Variants in KDM7A observed in about 807,000 individuals in gnomAD.
KDM7A encodes lysine demethylase 7A, also known as lysine-specific demethylase 7A.
KDM7A carries 28 observed loss-of-function variants against 114.8 expected under a neutral mutation model. That is an observed-to-expected ratio of 0.24 (90% CI 0.18 to 0.33). The LOEUF is 0.33. Ranked by LOEUF, KDM7A falls within the 10% of genes least tolerant of loss-of-function variation. The probability of loss-of-function intolerance (pLI) is 1.00; values close to 1 mark genes in which losing one functional copy is unlikely to be tolerated. For missense variants in KDM7A, 942 were observed against 1,142.5 expected (o/e 0.82, Z 2.53); for synonymous variants, 423 against 397.8 (o/e 1.06, Z -0.75).
chr7:140,176,972 C>CG lies in KDM7A; in HGVS notation c.-36dup, dbSNP rs1187659090. 4.6e-6 allele frequency: 5 copies of CG among 1,096,250 alleles called. No individual in the cohort carries two copies. Among genetic ancestry groups the CG allele is most frequent in the Non-Finnish European group, 1.1e-6 (1 of 900,968 alleles). 67.9% of individuals were successfully genotyped at this position (1,096,250 alleles called of 1,614,324 possible). A position where few individuals can be genotyped will look rare whatever the true frequency, so the allele number is the denominator to read the frequency against. On this transcript the variant is annotated 5_prime_UTR_variant, in exon 1 of 20. Coordinates refer to ENST00000397560, the MANE Select transcript of KDM7A (RefSeq NM_030647.2). This position sits in a 1 kb window ranked among gnomAD's most constrained non-coding sequence, Gnocchi z 4.4. ...ACACACACACGCTCGCTCGCTACTC[C>CG]GCTCGCCGACTGGAGCGAGCGCAGC... is the stretch of plus-strand genomic sequence containing the variant.
intron 3 of KDM7A, among the ~76,000 whole-genome samples, chr7:140,130,112 T>G (rs919009888): frequency 3.9e-5 from 6 of 152,212 alleles, no homozygotes; most frequent in Non-Finnish European, 7.3e-5. Context: ...TGAAATCATT[T>G]CTGAAACACT....
intron 11 of KDM7A, among the ~76,000 whole-genome samples, chr7:140,105,732 A>G (rs1180217543): frequency 6.6e-6 from 1 of 152,156 alleles, no homozygotes; most frequent in East Asian, 1.9e-4. Flanking sequence ...TTCATCATGG[A>G]TATTGGTCTA....
intron 11 of KDM7A, among the ~76,000 whole-genome samples, chr7:140,102,532 G>A (rs952008853): frequency 6.6e-6 from 1 of 152,078 alleles, no homozygotes; most frequent in South Asian, 2.1e-4. Flanking sequence ...ACAGGCGCAC[G>A]CCACTGCACC....
chr7:140,133,480 T>C (rs1035021672), intron 3 of KDM7A, 59 bp downstream of exon 3: 1 of 981,832 alleles, frequency 1.0e-6, no homozygotes, highest in Non-Finnish European at 1.6e-6. Context: ...ATAATGTCAC[T>C]CTATGAGACG....
At chr7:140,098,142 G>A (rs999700857) in intron 14 of KDM7A, among the ~76,000 whole-genome samples, 1 of 152,224 alleles carries the variant, frequency 6.6e-6, no homozygotes, top group Non-Finnish European at 1.5e-5. Context: ...CACCTGGTGT[G>A]TGCAAAGACA....
At chr7:140,092,170 A>C in intron 18 of KDM7A, 93 bp from the exon 19 acceptor site, 1 of 1,161,528 alleles carries the variant, frequency 8.6e-7, no homozygotes, top group South Asian at 1.4e-5. Flanking sequence ...GTGAGAGAAG[A>C]AACAAACTAC....
chr7:140,141,509 G>A (rs1176739433), intron 1 of KDM7A, among the ~76,000 whole-genome samples: 1 of 151,962 alleles, frequency 6.6e-6, no homozygotes, highest in East Asian at 1.9e-4. Flanking sequence ...AAGAGCACAC[G>A]GCAAGAATAA....
rs1457932685 is a variant in KDM7A, at chr7:140,100,683, TATATACATATATATATATATATATACAC to T, written c.1639-688_1639-661del. Among the ~76,000 whole-genome samples the T allele has an allele frequency of 8.4e-3, 307 of 36,496 alleles. 1 individual carries two copies. Among genetic ancestry groups the T allele is most frequent in the Admixed American group, 0.025 (80 of 3,234 alleles). 23.9% of individuals were successfully genotyped at this position (36,496 alleles called of 152,430 possible). A position where few individuals can be genotyped will look rare whatever the true frequency, so the allele number is the denominator to read the frequency against. On this transcript the variant is annotated intron_variant, in intron 12 of 19. Coordinates refer to ENST00000397560, the MANE Select transcript of KDM7A (RefSeq NM_030647.2). ...AGTTATATATATATATATATATACA[TATATACATATATATATATATATATACAC>T]ATATATATATATATATATATATATA...
At chr7:140,105,180 G>A (rs1438197169) in intron 11 of KDM7A, among the ~76,000 whole-genome samples, 1 of 152,188 alleles carries the variant, frequency 6.6e-6, no homozygotes, top group Non-Finnish European at 1.5e-5. Flanking sequence ...AGCTTAAGGA[G>A]ATTTTGGGCT....
chr7:140,096,790 A>G (rs375836622), intron 16 of KDM7A, 27 bp from the exon 17 acceptor site: 2 of 1,602,802 alleles, frequency 1.2e-6, no homozygotes, highest in South Asian at 1.1e-5. Context: ...CCAAAAACAC[A>G]AGAGTCTATT....
intron 11 of KDM7A, among the ~76,000 whole-genome samples, chr7:140,103,504 C>A (rs1325511087): frequency 6.6e-6 from 1 of 151,336 alleles, no homozygotes; most frequent in Admixed American, 6.6e-5. Context: ...ATGTTCCCCA[C>A]CCTGTGTCCA....
chr7:140,146,584 T>C (rs1456008665), intron 1 of KDM7A, among the ~76,000 whole-genome samples: 1 of 152,192 alleles, frequency 6.6e-6, no homozygotes, highest in Non-Finnish European at 1.5e-5. Context: ...CCTTCATATA[T>C]AGACTGTGAC....
intron 12 of KDM7A, among the ~76,000 whole-genome samples, 195 bp downstream of exon 12, chr7:140,101,756 T>C (rs1490668747): frequency 6.6e-6 from 1 of 152,152 alleles, no homozygotes; most frequent in East Asian, 1.9e-4. Context: ...TGAGGTCTAT[T>C]CATTCAAATT....
chr7:140,113,450 G>A (rs1326179562), intron 10 of KDM7A, 41 bp downstream of exon 10: 3 of 842,646 alleles, frequency 3.6e-6, no homozygotes, highest in East Asian at 1.1e-4. Context: ...TCCTAATCTT[G>A]TGGCATAAAA....
chr7:140,129,523 A>G lies in KDM7A; in HGVS notation c.529T>C (p.Phe177Leu). 1 of 1,613,710 alleles carries G rather than the reference A, an allele frequency of 6.2e-7. No individual in the cohort carries two copies. The highest frequency in any genetic ancestry group is 8.5e-7 in the Non-Finnish European group (1 of 1,179,714). Reference sequence around the variant, plus strand: ...TAACGTTCCACATCCATCACAGAAAATGTAGGTGAAGGGAGCCTGAGTCCT... The same window carrying G: ...TAACGTTCCACATCCATCACAGAAAGTGTAGGTGAAGGGAGCCTGAGTCCT... The part of the protein sequence containing the change: ...DLGLRLPSPT[F>L]SVMDVERYVG... The change falls in exon 4 of 20, where the codon TTT becomes CTT. Residue 177 changes from phenylalanine to leucine, a missense_variant. Physicochemically the swap from Phe to Leu is conservative, Grantham distance 22 (BLOSUM62 0). Coordinates refer to ENST00000397560, the MANE Select transcript of KDM7A (RefSeq NM_030647.2).
Position 140,096,648 on chromosome 7 carries a change from C to A in KDM7A, c.2281G>T (p.Gly761Cys). The A allele has an allele frequency of 6.2e-7, 1 of 1,614,108 alleles. No individual in the cohort carries two copies. The highest frequency in any genetic ancestry group is 1.1e-5 in the South Asian group (1 of 91,084). Residue 761 changes from glycine (G) to cysteine (C), a missense_variant, in exon 17 of 20, where the codon GGT (glycine) becomes TGT (cysteine). Gly to Cys is a radical substitution (Grantham distance 159). This residue lies in a region of KDM7A where 512 missense variants were observed against 576.6 expected (regional missense o/e 0.89). Coordinates refer to ENST00000397560, the MANE Select transcript of KDM7A (RefSeq NM_030647.2). The part of the protein sequence containing the change: ...QRQIQSTDCS[G>C]ERNSLQDPSS... Reference sequence around the variant, plus strand: ...GGATCCTGGAGAGAGTTTCTTTCACCACTGCAGTCTGTGCTTTGTATTTGC... The same window carrying A: ...GGATCCTGGAGAGAGTTTCTTTCACAACTGCAGTCTGTGCTTTGTATTTGC...
chr7:140,100,660 T>TTATATATATATATATA (rs1244353345), intron 12 of KDM7A, among the ~76,000 whole-genome samples: 2 of 111,300 alleles, frequency 1.8e-5, no homozygotes, highest in African/African-American at 3.5e-5. Context: ...TTTTAAAAAG[T>TTATATATATATATATA]TATATATATA....
Position 140,151,188 on chromosome 7 carries a change from A to G in KDM7A, c.195-11998T>C, listed in dbSNP as rs562094204. Among the ~76,000 whole-genome samples, 19 of 152,332 alleles carry G rather than the reference A, an allele frequency of 1.2e-4. No individual in the cohort carries two copies. The East Asian group carries it at 3.3e-3, about 26-fold the overall frequency. On this transcript the variant is annotated intron_variant, in intron 1 of 19. Transcript: ENST00000397560. Reference sequence around the variant, plus strand: ...GTGATTCTTTTGCAGCAATCTCAGCAGAGAAATGGCACTGAGGAACTATTG... The same window carrying G: ...GTGATTCTTTTGCAGCAATCTCAGCGGAGAAATGGCACTGAGGAACTATTG...
intron 1 of KDM7A, among the ~76,000 whole-genome samples, chr7:140,164,936 A>C (rs1442274556): frequency 6.6e-6 from 1 of 152,234 alleles, no homozygotes. Flanking sequence ...AAAGTCAAGA[A>C]GACCATGGTG....
Sources: allele counts gnomAD v4.1 joint callset (sites outside exome capture counted in the v4.1 genomes callset), GRCh38; gene constraint gnomAD v4.1.1; regional missense constraint gnomAD v4.1.1; non-coding constraint Gnocchi (gnomAD v3.1); transcripts MANE v1.5; gene names NCBI Gene and HGNC (gene_info 2026-07-23, HGNC 2026-07-21).